SIRT2: variants seen among roughly 807,000 people sequenced by gnomAD.
SIRT2 encodes the protein sirtuin 2.
SIRT2 carries 40 observed loss-of-function variants against 57.4 expected under a neutral mutation model. That is an observed-to-expected ratio of 0.70 (90% CI 0.54 to 0.91). The LOEUF (loss-of-function observed/expected upper bound fraction) is 0.91, where lower values mean the gene tolerates loss of function less well. Ranked by LOEUF, SIRT2 falls within the 40% of genes least tolerant of loss-of-function variation. The pLI is 0.00. For synonymous variants in SIRT2, 161 were observed against 195.7 expected (o/e 0.82, Z 1.48); for missense variants, 439 against 510.4 (o/e 0.86, Z 1.35).
intron 1 of SIRT2, chr19:38,898,663 G>C (rs558273641): frequency 4.5e-5 from 17 of 376,574 alleles, no homozygotes. Flanking sequence ...GAAGATTTAG[G>C]GGGACAGGGA....
At chr19:38,879,746 G>C in intron 13 of SIRT2, 44 bp from the exon 14 acceptor site, 1 of 1,460,938 alleles carries the variant, frequency 6.8e-7, no homozygotes, top group Non-Finnish European at 9.4e-7. Context: ...AGGGAAGGGA[G>C]AGCTAAGAGC....
At chr19:38,885,592 A>AT (rs35779731) in intron 8 of SIRT2, among the ~76,000 whole-genome samples, 41,218 of 122,448 alleles carry the variant, frequency 0.34, 8,140 homozygotes, top group East Asian at 0.6. Flanking sequence ...ATGCGTGGCT[A>AT]TTTTTTTTTT....
At position 38,881,436 on chromosome 19, in the gene SIRT2, C is replaced by G; in HGVS notation, c.687G>C (p.Lys229Asn). The change falls in exon 10 of 16, where the codon AAG becomes AAC. Residue 229 changes from lysine (K) to asparagine (N), a missense_variant. Physicochemically the swap from Lys to Asn is moderately conservative, Grantham distance 94. Transcript: ENST00000249396. ...GGTCCCTGGCCAGAGGCTCACCAGG[C>G]TTCACCAGGCTCTGACAGTCTTCAC... The part of the protein sequence containing the change: ...PKCEDCQSLV[K>N]PDIVFFGESL... 1.2e-6 allele frequency: 2 copies of G among 1,614,058 alleles called. No homozygotes were observed. The highest frequency in any genetic ancestry group is 1.7e-6 in the Non-Finnish European group (2 of 1,179,956).
At chr19:38,885,016 A>G (rs1973281294) in intron 8 of SIRT2, among the ~76,000 whole-genome samples, 1 of 151,990 alleles carries the variant, frequency 6.6e-6, no homozygotes. Flanking sequence ...GGCTTTAATC[A>G]CTATCTTCCC....
Position 38,880,940 on chromosome 19 carries a change from C to G in SIRT2, c.748-43G>C. ...AGCTTGGGAGCCTCCGCCCAGGCTG[C>G]GCCACCGCTCCCTCCCCCGCCCCCA... On this transcript the variant is annotated intron_variant, in intron 11 of 15. Coordinates refer to ENST00000249396, the MANE Select transcript of SIRT2 (RefSeq NM_012237.4). This position sits in a 1 kb window ranked among gnomAD's most constrained non-coding sequence, Gnocchi z 4.1. The G allele has an allele frequency of 1.3e-6, 2 of 1,588,008 alleles. No homozygotes were observed. Among genetic ancestry groups the G allele is most frequent in the Non-Finnish European group, 8.6e-7 (1 of 1,158,166 alleles).
rs765083798 is a variant in SIRT2 at position 38,893,516 on chromosome 19, G to A, written c.124C>T (p.Arg42Trp). 1.2e-5 allele frequency: 19 copies of A among 1,611,400 alleles called. No homozygotes were observed. Among genetic ancestry groups the A allele is most frequent in the South Asian group, 1.1e-4 (10 of 90,994 alleles). The change falls in exon 4 of 16, where the codon CGG becomes TGG. Residue 42 changes from arginine (R) to tryptophan (W), a missense_variant. Transcript: ENST00000249396. ...AGGEADMDFL[R>W]NLFSQTLSLG... The stretch of plus-strand genomic sequence containing the variant: ...CTGAGCGTCTGGGAGAATAAGTTCC[G>A]CAGGAAGTCCACTGACCGGAAAGAA...
intron 8 of SIRT2, among the ~76,000 whole-genome samples, 179 bp downstream of exon 8, chr19:38,888,908 G>A (rs1973427331): frequency 1.3e-5 from 2 of 152,252 alleles, no homozygotes; most frequent in African/African-American, 2.4e-5. Flanking sequence ...GGGAAACTGA[G>A]GCAGAGAAGA....
chr19:38,881,302 G>A, intron 10 of SIRT2, 130 bp downstream of exon 10: 2 of 1,143,796 alleles, frequency 1.7e-6, no homozygotes, highest in Non-Finnish European at 1.3e-6. Flanking sequence ...TCCCCAGGAT[G>A]GATCTGGGGC....
intron 2 of SIRT2, 92 bp from the exon 3 acceptor site, chr19:38,893,959 G>A: frequency 1.3e-6 from 2 of 1,589,320 alleles, no homozygotes; most frequent in Non-Finnish European, 1.7e-6. Context: ...AAAGGCTGTG[G>A]CAGGAAGGTG....
chr19:38,895,015 T>C (rs2144701680), intron 2 of SIRT2: 1 of 440,418 alleles, frequency 2.3e-6, no homozygotes, highest in East Asian at 7.1e-5. Context: ...CCAGGCCTCA[T>C]CTCAATGCGA....
rs200832262 is a variant in SIRT2, at chr19:38,879,497, G to A, written c.951C>T (p.Asp317=). The A allele has an allele frequency of 3.1e-6, 5 of 1,603,594 alleles. No individual in the cohort carries two copies. The highest frequency in any genetic ancestry group is 1.3e-5 in the African/African-American group (1 of 74,732). The part of the protein sequence containing the change: ...MDFDSKKAYR[D]VAWLGECDQG... ...GGTCGCATTCACCCAGCCAGGCCAC[G>A]TCCCTGCGGTGCAGCAGGAGATCAG... The change falls in exon 15 of 16, where the codon GAC becomes GAT. Residue 317 remains aspartate (D), a synonymous_variant. Coordinates refer to ENST00000249396, the MANE Select transcript of SIRT2 (RefSeq NM_012237.4).
rs752997988 is a variant in SIRT2, at chr19:38,881,429, C to T, written c.691+3G>A. Reference sequence around the variant, plus strand: ...CTGGGCAGGTCCCTGGCCAGAGGCTCACCAGGCTTCACCAGGCTCTGACAG... The same window carrying T: ...CTGGGCAGGTCCCTGGCCAGAGGCTTACCAGGCTTCACCAGGCTCTGACAG... On this transcript the variant is annotated splice_donor_region_variant and intron_variant, in intron 10 of 15. Coordinates refer to ENST00000249396, the MANE Select transcript of SIRT2 (RefSeq NM_012237.4). The T allele has an allele frequency of 3.7e-6, 6 of 1,613,960 alleles. No individual in the cohort carries two copies. In the South Asian group the frequency reaches 5.5e-5, roughly 15 times the overall value.
rs375607212 is a variant in SIRT2 at position 38,881,092 on chromosome 19, C to A, written c.747+8G>T. 1.6e-5 allele frequency: 25 copies of A among 1,612,592 alleles called. No homozygotes were observed. The highest frequency in any genetic ancestry group is 2.1e-5 in the Non-Finnish European group (25 of 1,179,500). On this transcript the variant is annotated splice_region_variant and intron_variant, in intron 11 of 15. Transcript: ENST00000249396. ...TTGGGGATGCGGGGAGGCTGGGGGGCCACTTACTGACTGCATACAGGAGAA... is the reference window on the plus strand; with the variant it reads ...TTGGGGATGCGGGGAGGCTGGGGGGACACTTACTGACTGCATACAGGAGAA...
intron 8 of SIRT2, among the ~76,000 whole-genome samples, chr19:38,886,452 GTTTT>G (rs142521046): frequency 7.0e-6 from 1 of 142,138 alleles, no homozygotes; most frequent in Non-Finnish European, 1.5e-5. Context: ...TGACAACATG[GTTTT>G]TTTTTTTTTT....
intron 7 of SIRT2, 182 bp from the exon 8 acceptor site, chr19:38,889,337 A>G: frequency 1.4e-6 from 1 of 724,252 alleles, no homozygotes; most frequent in Non-Finnish European, 2.5e-6. Flanking sequence ...AAGGACAGGG[A>G]AGGGGATTGT....
chr19:38,895,615 C>A (rs1166046802), intron 2 of SIRT2, among the ~76,000 whole-genome samples: 1 of 152,224 alleles, frequency 6.6e-6, no homozygotes, highest in Non-Finnish European at 1.5e-5. Flanking sequence ...TCCGAACATA[C>A]GACAATTTAA....
At chr19:38,881,286 C>G in intron 10 of SIRT2, 131 bp from the exon 11 acceptor site, 1 of 1,143,832 alleles carries the variant, frequency 8.7e-7, no homozygotes, top group Non-Finnish European at 1.3e-6. Flanking sequence ...GGCACAGACC[C>G]CATTCTCCCC....
At position 38,879,701 on chromosome 19, in the gene SIRT2, G is replaced by T. The variant is rs766521494; in HGVS notation, c.878C>A (p.Ser293Ter). 6.4e-7 allele frequency: 1 copy of T among 1,564,628 alleles called. No individual in the cohort carries two copies. ...LLINKEKAGQ[S>*]DPFLGMIMGL... ...CATAATCATCCCCAGGAAAGGGTCC[G>T]ACTGTCAGGGAGGGGGTGGGTCAGG... is the stretch of plus-strand genomic sequence containing the variant. The change falls in exon 14 of 16, where the codon TCG becomes TAG. Residue 293 changes from serine to a stop codon, truncating the protein, a stop_gained and splice_region_variant. Coordinates refer to ENST00000249396, the MANE Select transcript of SIRT2 (RefSeq NM_012237.4). LOFTEE classifies it high-confidence loss of function.
intron 9 of SIRT2, among the ~76,000 whole-genome samples, chr19:38,882,072 A>C (rs1251337312): frequency 6.6e-6 from 1 of 151,716 alleles, no homozygotes; most frequent in Non-Finnish European, 1.5e-5. Context: ...GGTTGAGTGC[A>C]GTGGTGTGAT....
Sources: gnomAD v4.1 joint callset for allele counts (sites outside exome capture counted in the v4.1 genomes callset) on GRCh38, gnomAD v4.1.1 for gene constraint, Gnocchi (gnomAD v3.1) non-coding constraint, MANE v1.5 for transcripts, NCBI Gene and HGNC (gene_info 2026-07-23, HGNC 2026-07-21) for gene names.